Variants in LILRA5 observed in about 807,000 individuals in gnomAD.
LILRA5 encodes the protein leukocyte immunoglobulin like receptor A5.
LILRA5 carries 31 observed loss-of-function variants against 36.3 expected under a neutral mutation model. The ratio of observed to expected loss-of-function variants is 0.85; its 90% confidence interval spans 0.64 to 1.15. LILRA5 has a LOEUF of 1.15. Among genes scored for constraint, LILRA5 ranks in the 50% most tolerant of loss-of-function variants. The probability of loss-of-function intolerance (pLI) is 0.00; values close to 1 mark genes in which losing one functional copy is unlikely to be tolerated. For missense variants in LILRA5, 348 were observed against 377.4 expected, an observed-to-expected ratio of 0.92 and a Z score of 0.64; for synonymous variants, 144 against 144.8, an observed-to-expected ratio of 0.99 and a Z score of 0.04.
intron 3 of LILRA5, 83 bp downstream of exon 3, chr19:54,312,252 C>G: frequency 1.2e-6 from 2 of 1,613,382 alleles, no homozygotes; most frequent in Non-Finnish European, 1.7e-6. Context: ...CCCAGAACTG[C>G]GGTCTTCACC....
Position 54,307,484 on chromosome 19 carries a change from C to T in LILRA5, c.829G>A (p.Val277Met), listed in dbSNP as rs745461077. ...IRMGMAGLIL[V>M]VLGILIFQDW... Reference sequence around the variant, plus strand: ...TGAAATATCAGAATCCCAAGGACCACCAGGATCAAGCCGGCCATGCCCATG... The same window carrying T: ...TGAAATATCAGAATCCCAAGGACCATCAGGATCAAGCCGGCCATGCCCATG... Residue 277 changes from valine to methionine, a missense_variant, in exon 7 of 7, where the codon GTG (valine) becomes ATG (methionine). By Grantham distance (21) the Val-to-Met change is conservative (BLOSUM62 1). Transcript: ENST00000432233. The T allele has an allele frequency of 1.2e-6, 2 of 1,614,052 alleles. No individual in the cohort carries two copies. The highest frequency in any genetic ancestry group is 1.3e-5 in the African/African-American group (1 of 74,988).
At position 54,312,350 on chromosome 19, in the gene LILRA5, T is replaced by A. The variant is rs564028301; in HGVS notation, c.109A>T (p.Thr37Ser). 5 of 1,614,122 alleles carry A rather than the reference T, an allele frequency of 3.1e-6. No individual in the cohort carries two copies. In the African/African-American group the frequency reaches 6.7e-5, roughly 22 times the overall value. Reference protein sequence around the residue: ...LCLGLSLGPRTHVQAGNLSKA... With the variant: ...LCLGLSLGPRSHVQAGNLSKA... ...ACAGACTCACCTGCCTGCACGTGGG[T>A]CCTGGGGCCCAGACTCAGCCCTGGA... Residue 37 changes from threonine to serine, a missense_variant, in exon 3 of 7, where the codon ACC (threonine) becomes TCC (serine). Coordinates refer to ENST00000432233, the MANE Select transcript of LILRA5 (RefSeq NM_021250.4).
chr19:54,311,802 T>C (rs2081022498), intron 4 of LILRA5, 62 bp downstream of exon 4: 5 of 1,613,004 alleles, frequency 3.1e-6, no homozygotes, highest in Middle Eastern at 1.7e-4. Context: ...GAGACACCCC[T>C]GAGAGCCGAC....
chr19:54,310,738 A>C, intron 5 of LILRA5: 1 of 322,348 alleles, frequency 3.1e-6, no homozygotes, highest in Non-Finnish European at 6.4e-6. Flanking sequence ...CCAGTGGAGG[A>C]GGTCACGTCT....
chr19:54,311,200 C>T, intron 5 of LILRA5: 2 of 1,354,472 alleles, frequency 1.5e-6, no homozygotes, highest in African/African-American at 1.5e-5. Context: ...AGGTGATCCA[C>T]CTGCCTCGGC....
At chr19:54,312,908 G>A (rs1295434490) in intron 1 of LILRA5, 109 bp downstream of exon 1, 11 of 1,413,866 alleles carry the variant, frequency 7.8e-6, no homozygotes, top group South Asian at 4.6e-5. Flanking sequence ...GTGCCTTCCT[G>A]AGTCAGCCCC....
At chr19:54,310,089 G>T in intron 5 of LILRA5, 1 of 237,486 alleles carries the variant, frequency 4.2e-6, no homozygotes, top group Non-Finnish European at 8.5e-6. Flanking sequence ...CCCCTGTCCT[G>T]AGTGGGCTCA....
chr19:54,311,464 A>G lies in LILRA5; in HGVS notation c.662T>C (p.Ile221Thr), dbSNP rs1716949146. 1 of 1,614,088 alleles carries G rather than the reference A, an allele frequency of 6.2e-7. No individual in the cohort carries two copies. Among genetic ancestry groups the G allele is most frequent in the East Asian group, 2.2e-5 (1 of 44,870 alleles). ...MLRCYGSRRH[I>T]LQVWSEPSDL... ...ACTGGGTTCTGACCATACCTGCAGGATATGCCTGCGAGAGCCATAGCATCT... is the reference window on the plus strand; with the variant it reads ...ACTGGGTTCTGACCATACCTGCAGGGTATGCCTGCGAGAGCCATAGCATCT... Residue 221 changes from isoleucine to threonine, a missense_variant, in exon 5 of 7, where the codon ATC (isoleucine) becomes ACC (threonine). Ile to Thr is a moderately conservative substitution (Grantham distance 89). Transcript: ENST00000432233.
At chr19:54,307,608 C>A in intron 6 of LILRA5, 59 bp from the exon 7 acceptor site, 2 of 1,612,422 alleles carry the variant, frequency 1.2e-6, no homozygotes, top group African/African-American at 1.3e-5. Flanking sequence ...CACCCAGGAC[C>A]CCTGGATGTC....
intron 5 of LILRA5, 69 bp from the exon 6 acceptor site, chr19:54,307,817 A>T: frequency 7.7e-7 from 1 of 1,305,928 alleles, no homozygotes; most frequent in Non-Finnish European, 1.1e-6. Context: ...CTCTCCCCTG[A>T]GCTCTGCATT....
At position 54,313,140 on chromosome 19, in the gene LILRA5, G is replaced by A; in HGVS notation, c.-121C>T. 9.6e-7 allele frequency: 1 copy of A among 1,036,706 alleles called. No individual in the cohort carries two copies. The highest frequency in any genetic ancestry group is 1.5e-6 in the Non-Finnish European group (1 of 671,422). 64.2% of individuals were successfully genotyped at this position (1,036,706 alleles called of 1,614,324 possible). A position where few individuals can be genotyped will look rare whatever the true frequency, so the allele number is the denominator to read the frequency against. On this transcript the variant is annotated 5_prime_UTR_variant, in exon 1 of 7. Transcript: ENST00000432233. ...CTGTGTAGCCCAGGCTGAGCTGCAT[G>A]TGGCAATGAGCACAGAGGAGAAATG...
At position 54,313,063 on chromosome 19, in the gene LILRA5, A is replaced by T. The variant is rs1380637405; in HGVS notation, c.-44T>A. The T allele has an allele frequency of 6.2e-7, 1 of 1,612,678 alleles. No individual in the cohort carries two copies. Among genetic ancestry groups the T allele is most frequent in the South Asian group, 1.1e-5 (1 of 91,060 alleles). ...CCTGGAGATGCTTCAGGGAAGATGC[A>T]GGTCCATGCCACAGGCAGACTCAGA... is the stretch of plus-strand genomic sequence containing the variant. On this transcript the variant is annotated 5_prime_UTR_variant, in exon 1 of 7. Transcript: ENST00000432233.
rs1193007941 is a variant in LILRA5 at position 54,312,998 on chromosome 19, A to G, written c.3+19T>C. The G allele has an allele frequency of 3.1e-6, 5 of 1,613,852 alleles. No homozygotes were observed. The African/African-American group carries it at 4.0e-5, about 13-fold the overall frequency. ...CCTCCTTCAGCCCGTCCATGAGCTC[A>G]GCGTTGCGGGGTCCTTACCATGGTC... is the stretch of plus-strand genomic sequence containing the variant. On this transcript the variant is annotated intron_variant, in intron 1 of 6. Transcript: ENST00000432233.
At position 54,313,013 on chromosome 19, in the gene LILRA5, T is replaced by C; in HGVS notation, c.3+4A>G. The C allele has an allele frequency of 6.2e-7, 1 of 1,614,062 alleles. No homozygotes were observed. Among genetic ancestry groups the C allele is most frequent in the Middle Eastern group, 1.6e-4 (1 of 6,062 alleles). On this transcript the variant is annotated splice_donor_region_variant and intron_variant, in intron 1 of 6. Coordinates refer to ENST00000432233, the MANE Select transcript of LILRA5 (RefSeq NM_021250.4). The stretch of plus-strand genomic sequence containing the variant: ...CCATGAGCTCAGCGTTGCGGGGTCC[T>C]TACCATGGTCAGTGATTTTTCAGCC...
Position 54,307,273 on chromosome 19 carries a change from AAAG to A in LILRA5, c.*137_*139del. The A allele has an allele frequency of 1.5e-6, 1 of 674,218 alleles. No homozygotes were observed. Among genetic ancestry groups the A allele is most frequent in the South Asian group, 3.9e-5 (1 of 25,438 alleles). 41.8% of individuals were successfully genotyped at this position (674,218 alleles called of 1,614,324 possible). ...AAAAAAAAAAAAAAAAAAAGAAAGA[AAAG>A]AAAAGAAAGAAAAAAAGAAATTGCC... is the stretch of plus-strand genomic sequence containing the variant. On this transcript the variant is annotated 3_prime_UTR_variant, in exon 7 of 7. Transcript: ENST00000432233.
chr19:54,307,655 C>T (rs1005792651), intron 6 of LILRA5, 43 bp downstream of exon 6: 1 of 1,613,654 alleles, frequency 6.2e-7, no homozygotes, highest in Non-Finnish European at 8.5e-7. Flanking sequence ...CAGGACCTGA[C>T]CCTCTGTGCC....
In LILRA5 at chr19:54,307,767, G is replaced by T. The variant is rs746035922; in HGVS notation, c.713-19C>A. On this transcript the variant is annotated intron_variant, in intron 5 of 6. Coordinates refer to ENST00000432233, the MANE Select transcript of LILRA5 (RefSeq NM_021250.4). ...GCTGCTCCTGAAAATCAAAACAGGG[G>T]AAGGGGAAGGAGAAGTTCTTGAAGC... 1 of 1,611,476 alleles carries T rather than the reference G, an allele frequency of 6.2e-7. No homozygotes were observed. Among genetic ancestry groups the T allele is most frequent in the Non-Finnish European group, 8.5e-7 (1 of 1,177,734 alleles).
chr19:54,310,735 AG>A, intron 5 of LILRA5: 1 of 326,738 alleles, frequency 3.1e-6, no homozygotes, highest in Non-Finnish European at 6.3e-6. Context: ...CGGCCAGTGG[AG>A]GAGGTCACGT....
In LILRA5 at chr19:54,313,008, G is replaced by C; in HGVS notation, c.3+9C>G. On this transcript the variant is annotated intron_variant, in intron 1 of 6. Transcript: ENST00000432233. ...CCCGTCCATGAGCTCAGCGTTGCGG[G>C]GTCCTTACCATGGTCAGTGATTTTT... is the stretch of plus-strand genomic sequence containing the variant. 1 of 1,614,040 alleles carries C rather than the reference G, an allele frequency of 6.2e-7. No homozygotes were observed. Among genetic ancestry groups the C allele is most frequent in the African/African-American group, 1.3e-5 (1 of 75,014 alleles).
Sources: gnomAD v4.1 joint callset for allele counts on GRCh38, gnomAD v4.1.1 for gene constraint, MANE v1.5 for transcripts, NCBI Gene and HGNC (gene_info 2026-07-23, HGNC 2026-07-21) for gene names.